The following NRXN1 variants were observed in gnomAD, a reference collection of about 807,000 sequenced individuals.
The protein encoded by NRXN1 is neurexin 1, also known as neurexin-1.
In NRXN1, 39 loss-of-function variants were observed where a neutral mutation model predicts 150.9. That is an observed-to-expected ratio of 0.26 (90% CI 0.20 to 0.34). The LOEUF (loss-of-function observed/expected upper bound fraction) is 0.34, where lower values mean the gene tolerates loss of function less well. Among genes scored for constraint, NRXN1 ranks in the 10% least tolerant of loss-of-function variants. NRXN1 has a pLI of 1.00. For synonymous variants in NRXN1, 924 were observed against 757.0 expected (o/e 1.22, Z -3.62); for missense variants, 1,815 against 1,949.9 (o/e 0.93, Z 1.30).
chr2:49,930,573 T>C (rs975370056), intron 22 of NRXN1, among the ~76,000 whole-genome samples: 2 of 152,232 alleles, frequency 1.3e-5, no homozygotes, highest in Non-Finnish European at 2.9e-5. Flanking sequence ...CAACCGTATA[T>C]CACATCACAA....
intron 19 of NRXN1, among the ~76,000 whole-genome samples, chr2:50,059,609 C>T (rs1260428162): frequency 2.6e-5 from 4 of 152,192 alleles, no homozygotes; most frequent in African/African-American, 9.7e-5. Context: ...TGTCAGACAT[C>T]TTCACAACAG....
At position 50,565,648 on chromosome 2, in the gene NRXN1, AT is replaced by A. The variant is rs936088329; in HGVS notation, c.1321-12624del. ...AGGATGAGAAAAAACAATGGAAAATATTTTTTTTTAATTAAACACTAGTTTG... is the reference window on the plus strand; with the variant it reads ...AGGATGAGAAAAAACAATGGAAAATATTTTTTTTAATTAAACACTAGTTTG... On this transcript the variant is annotated intron_variant, in intron 8 of 22. Coordinates refer to ENST00000401669, the MANE Select transcript of NRXN1 (RefSeq NM_001330078.2). Among the ~76,000 whole-genome samples, 143 of 151,588 alleles carry A rather than the reference AT, an allele frequency of 9.4e-4. 1 individual carries two copies. The highest frequency in any genetic ancestry group is 4.4e-3 in the South Asian group (21 of 4,804).
chr2:50,509,185 C>T (rs920583607), intron 12 of NRXN1, among the ~76,000 whole-genome samples: 2 of 152,156 alleles, frequency 1.3e-5, no homozygotes, highest in South Asian at 2.1e-4. Flanking sequence ...TACTCAAAGC[C>T]TGCATGCTTT....
intron 2 of NRXN1, among the ~76,000 whole-genome samples, chr2:50,983,833 C>G (rs1697232986): frequency 1.3e-5 from 2 of 152,046 alleles, no homozygotes; most frequent in Admixed American, 1.3e-4. Flanking sequence ...TAGGAAGTAT[C>G]TTAAAGGCAA....
chr2:50,741,198 CAG>C (rs1383090363), intron 5 of NRXN1, among the ~76,000 whole-genome samples: 4 of 152,110 alleles, frequency 2.6e-5, no homozygotes, highest in African/African-American at 9.7e-5. Context: ...CAGAATAAAA[CAG>C]AGTCTGGACT....
At chr2:50,774,106 G>A (rs1476841521) in intron 5 of NRXN1, among the ~76,000 whole-genome samples, 2 of 152,146 alleles carry the variant, frequency 1.3e-5, no homozygotes, top group Non-Finnish European at 2.9e-5. Context: ...AGGAGGCTCA[G>A]TATTTTCAGT....
intron 17 of NRXN1, among the ~76,000 whole-genome samples, chr2:50,395,790 C>T (rs2082016766): frequency 6.6e-6 from 1 of 152,148 alleles, no homozygotes; most frequent in Non-Finnish European, 1.5e-5. Flanking sequence ...ACTTGTCCTA[C>T]ACCAGACAGC....
At chr2:50,286,270 A>G (rs1325823129) in intron 17 of NRXN1, among the ~76,000 whole-genome samples, 1 of 152,070 alleles carries the variant, frequency 6.6e-6, no homozygotes, top group African/African-American at 2.4e-5. Context: ...TTTGACCAAT[A>G]TCTCCCAAAC....
chr2:50,463,624 A>G (rs1481058118), intron 17 of NRXN1, among the ~76,000 whole-genome samples: 1 of 151,764 alleles, frequency 6.6e-6, no homozygotes, highest in African/African-American at 2.4e-5. Flanking sequence ...TTTCTGTAAA[A>G]ATCATTCGAA....
At chr2:50,213,756 C>A (rs1333536600) in intron 18 of NRXN1, among the ~76,000 whole-genome samples, 6 of 151,810 alleles carry the variant, frequency 4.0e-5, no homozygotes, top group Admixed American at 6.6e-5. Flanking sequence ...CTTTTAATTT[C>A]TTTGATGATT....
At chr2:50,654,639 C>T (rs1319589779) in intron 5 of NRXN1, among the ~76,000 whole-genome samples, 7 of 152,054 alleles carry the variant, frequency 4.6e-5, no homozygotes, top group Non-Finnish European at 8.8e-5. Context: ...AGTTAACAGT[C>T]CCATCAACAG....
At chr2:50,758,685 T>C (rs1701438682) in intron 5 of NRXN1, among the ~76,000 whole-genome samples, 1 of 151,922 alleles carries the variant, frequency 6.6e-6, no homozygotes, top group South Asian at 2.1e-4. Flanking sequence ...TGGCTCATTG[T>C]TTCTTTTTCC....
At chr2:50,545,286 T>A (rs1463835504) in intron 9 of NRXN1, among the ~76,000 whole-genome samples, 1 of 152,182 alleles carries the variant, frequency 6.6e-6, no homozygotes, top group Non-Finnish European at 1.5e-5. Flanking sequence ...TAGACACATA[T>A]ACATTTTAAA....
intron 18 of NRXN1, among the ~76,000 whole-genome samples, chr2:50,123,593 T>A (rs571453919): frequency 1.1e-3 from 168 of 152,268 alleles, no homozygotes; most frequent in African/African-American, 4.0e-3. Context: ...TCAGAGTCTT[T>A]GGGAATAGGT....
chr2:50,864,491 A>T (rs1363234276), intron 5 of NRXN1, among the ~76,000 whole-genome samples: 1 of 152,064 alleles, frequency 6.6e-6, no homozygotes, highest in Non-Finnish European at 1.5e-5. Flanking sequence ...TAAAGTAGTA[A>T]TAATAACAAC....
At chr2:50,067,072 C>T (rs1297392854) in intron 19 of NRXN1, among the ~76,000 whole-genome samples, 1 of 152,134 alleles carries the variant, frequency 6.6e-6, no homozygotes, top group Non-Finnish European at 1.5e-5. Flanking sequence ...AGATGACATC[C>T]CAGCTCCTTA....
At chr2:50,784,192 C>T (rs1008740368) in intron 5 of NRXN1, among the ~76,000 whole-genome samples, 1 of 152,034 alleles carries the variant, frequency 6.6e-6, no homozygotes, top group Non-Finnish European at 1.5e-5. Flanking sequence ...AGGAATTGTG[C>T]TAGGCACTAG....
intron 22 of NRXN1, among the ~76,000 whole-genome samples, chr2:49,936,405 C>T (rs1671032812): frequency 6.6e-6 from 1 of 152,192 alleles, no homozygotes; most frequent in African/African-American, 2.4e-5. Flanking sequence ...GGTCCTCCAC[C>T]TGTCATTGGA....
chr2:50,222,895 C>G (rs1258696528), intron 18 of NRXN1, among the ~76,000 whole-genome samples: 1 of 151,828 alleles, frequency 6.6e-6, no homozygotes, highest in Non-Finnish European at 1.5e-5. Flanking sequence ...GAGTTTTAGA[C>G]ACCACAGTAA....
Sources: allele counts gnomAD v4.1 joint callset (sites outside exome capture counted in the v4.1 genomes callset), GRCh38; gene constraint gnomAD v4.1.1; transcripts MANE v1.5; gene names NCBI Gene and HGNC (gene_info 2026-07-23, HGNC 2026-07-21).